XYLT1: variants seen among roughly 807,000 people sequenced by gnomAD.
XYLT1 encodes xylosyltransferase 1, also known as beta-D-xylosyltransferase 1.
XYLT1 carries 36 observed loss-of-function variants against 91.3 expected under a neutral mutation model. That is an observed-to-expected ratio of 0.39 (90% CI 0.30 to 0.52). The LOEUF is 0.52. XYLT1 is among the 20% of genes least tolerant of loss of function. The pLI is 0.68. For synonymous variants in XYLT1, 588 were observed against 532.0 expected (o/e 1.11, Z -1.45); for missense variants, 1,242 against 1,284.5 (o/e 0.97, Z 0.51).
intron 1 of XYLT1, among the ~76,000 whole-genome samples, chr16:17,443,223 A>G: frequency 6.6e-6 from 1 of 152,326 alleles, no homozygotes; most frequent in East Asian, 1.9e-4. Context: ...CTTGCTACCT[A>G]TATTATCATC....
chr16:17,438,563 T>G (rs2036491596), intron 1 of XYLT1, among the ~76,000 whole-genome samples: 1 of 152,140 alleles, frequency 6.6e-6, no homozygotes, highest in Non-Finnish European at 1.5e-5. Context: ...CACATCTGTA[T>G]CAGTTCATTC....
At chr16:17,418,238 A>G (rs2036204367) in intron 1 of XYLT1, among the ~76,000 whole-genome samples, 3 of 152,206 alleles carry the variant, frequency 2.0e-5, no homozygotes. Context: ...CAGCTTGTAC[A>G]CACCTTAGGC....
At chr16:17,363,061 C>G (rs1303502766) in intron 1 of XYLT1, among the ~76,000 whole-genome samples, 1 of 152,200 alleles carries the variant, frequency 6.6e-6, no homozygotes, top group Non-Finnish European at 1.5e-5. Context: ...ATCATCCAAC[C>G]ACCAGATAAC....
In XYLT1 at chr16:17,467,012, G is replaced by C. The variant is rs997468867; in HGVS notation, c.363+3422C>G. 2.6e-5 allele frequency among the ~76,000 whole-genome samples: 4 copies of C among 152,118 alleles called. No individual in the cohort carries two copies. The East Asian group carries it at 7.7e-4, about 29-fold the overall frequency. On this transcript the variant is annotated intron_variant, in intron 1 of 11. Coordinates refer to ENST00000261381, the MANE Select transcript of XYLT1 (RefSeq NM_022166.4). The stretch of plus-strand genomic sequence containing the variant: ...AGAGGTGATCTAAAGCCAGTGAACC[G>C]ATCTTTCAAAGTCACTGCTGATGTC...
At chr16:17,181,165 G>A (rs9926069) in intron 5 of XYLT1, among the ~76,000 whole-genome samples, 75,772 of 152,052 alleles carry the variant, frequency 0.5, 21,251 homozygotes, top group African/African-American at 0.75. Flanking sequence ...GAGAAGGCCA[G>A]TAAACACTAG....
chr16:17,324,665 T>C (rs1158960874), intron 2 of XYLT1, among the ~76,000 whole-genome samples: 1 of 152,116 alleles, frequency 6.6e-6, no homozygotes, highest in Non-Finnish European at 1.5e-5. Flanking sequence ...ACGCTCTGAG[T>C]AGTCCTTTTT....
intron 8 of XYLT1, 26 bp from the exon 9 acceptor site, chr16:17,134,761 A>C (rs1382552135): frequency 1.2e-6 from 2 of 1,610,174 alleles, no homozygotes; most frequent in African/African-American, 1.3e-5. Context: ...TAAAAATAGA[A>C]AAGCCACATC....
intron 2 of XYLT1, 36 bp from the exon 3 acceptor site, chr16:17,259,534 G>C (rs761211550): frequency 6.3e-6 from 10 of 1,590,818 alleles, no homozygotes; most frequent in Admixed American, 3.4e-5. Context: ...AGAGAAACTT[G>C]ACTGAGAGAT....
At chr16:17,457,264 C>A (rs1350804167) in intron 1 of XYLT1, among the ~76,000 whole-genome samples, 1 of 152,206 alleles carries the variant, frequency 6.6e-6, no homozygotes, top group African/African-American at 2.4e-5. Flanking sequence ...GAGCCCACAC[C>A]TGACTCACAA....
intron 1 of XYLT1, among the ~76,000 whole-genome samples, chr16:17,387,607 G>A (rs2035762534): frequency 3.9e-5 from 6 of 152,180 alleles, no homozygotes; most frequent in Admixed American, 3.9e-4. Context: ...GCCCAGAGAA[G>A]AAGGTGCCAT....
chr16:17,325,031 C>T (rs143781787), intron 2 of XYLT1, among the ~76,000 whole-genome samples: 80 of 151,756 alleles, frequency 5.3e-4, no homozygotes, highest in Middle Eastern at 3.4e-3. Flanking sequence ...GTTCAAAAAA[C>T]GCTATGTAAC....
At position 17,226,216 on chromosome 16, in the gene XYLT1, G is replaced by C. The variant is rs1299309271; in HGVS notation, c.914-25562C>G. Among the ~76,000 whole-genome samples, 94 of 152,320 alleles carry C rather than the reference G, an allele frequency of 6.2e-4. 1 individual carries two copies. On this transcript the variant is annotated intron_variant, in intron 3 of 11. Transcript: ENST00000261381. ...AACCAAAGGGAAGGCAGCACCTTCTGAATGTATTTGTGCAGCTTGTGACTC... is the reference window on the plus strand; with the variant it reads ...AACCAAAGGGAAGGCAGCACCTTCTCAATGTATTTGTGCAGCTTGTGACTC...
chr16:17,188,516 TCTC>T (rs1177576107), intron 5 of XYLT1, among the ~76,000 whole-genome samples: 1 of 151,982 alleles, frequency 6.6e-6, no homozygotes, highest in Admixed American at 6.6e-5. Flanking sequence ...TCCTCACACT[TCTC>T]CTAAACTCCT....
In XYLT1 at chr16:17,141,669, G is replaced by A. The variant is rs934343361; in HGVS notation, c.1371-300C>T. On this transcript the variant is annotated intron_variant, in intron 6 of 11. Transcript: ENST00000261381. ...CACAGTCAGATGACAGTGATCATCTGCTACAGCTACTCCTTCTCTAGAGAA... is the reference window on the plus strand; with the variant it reads ...CACAGTCAGATGACAGTGATCATCTACTACAGCTACTCCTTCTCTAGAGAA... Among the ~76,000 whole-genome samples, 4 of 152,158 alleles carry A rather than the reference G, an allele frequency of 2.6e-5. No homozygotes were observed. The South Asian group carries it at 8.3e-4, about 32-fold the overall frequency.
intron 9 of XYLT1, among the ~76,000 whole-genome samples, chr16:17,130,223 C>T (rs145477938): frequency 6.6e-6 from 1 of 152,378 alleles, no homozygotes; most frequent in Non-Finnish European, 1.5e-5. Flanking sequence ...AAGGCCTGCC[C>T]ATACTGGGAA....
At chr16:17,194,657 G>A (rs2032389063) in intron 5 of XYLT1, among the ~76,000 whole-genome samples, 1 of 152,210 alleles carries the variant, frequency 6.6e-6, no homozygotes, top group South Asian at 2.1e-4. Context: ...CTTTCAAGGT[G>A]GCCTGGGGCC....
intron 5 of XYLT1, among the ~76,000 whole-genome samples, chr16:17,166,663 C>T (rs1224450846): frequency 6.7e-6 from 1 of 149,724 alleles, no homozygotes; most frequent in Non-Finnish European, 1.5e-5. Flanking sequence ...AGGCGTGCAC[C>T]ACAATGTCCA....
At chr16:17,306,272 G>A (rs1251475830) in intron 2 of XYLT1, among the ~76,000 whole-genome samples, 1 of 152,174 alleles carries the variant, frequency 6.6e-6, no homozygotes, top group Admixed American at 6.5e-5. Context: ...TTGGGAGAGA[G>A]AGAACAAGAG....
chr16:17,110,098 A>G (rs1004499022), intron 11 of XYLT1, among the ~76,000 whole-genome samples: 2 of 152,206 alleles, frequency 1.3e-5, no homozygotes, highest in Admixed American at 6.5e-5. Context: ...CACGTCCAAC[A>G]TACCAGGTGT....
Sources: gnomAD v4.1 joint callset for allele counts (sites outside exome capture counted in the v4.1 genomes callset) on GRCh38, gnomAD v4.1.1 for gene constraint, MANE v1.5 for transcripts, NCBI Gene and HGNC (gene_info 2026-07-23, HGNC 2026-07-21) for gene names.